The following SEPTIN9 variants were observed in gnomAD, a reference collection of about 807,000 sequenced individuals.
SEPTIN9 encodes the protein septin 9.
A neutral mutation model predicts 56.6 loss-of-function variants in SEPTIN9; 13 were observed. The observed-to-expected ratio is 0.23, with a 90% CI of 0.15 to 0.37. SEPTIN9 has a LOEUF of 0.37. SEPTIN9 is among the 10% of genes least tolerant of loss of function. The pLI, the probability that SEPTIN9 is intolerant of heterozygous loss-of-function variation, is 1.00. For missense variants in SEPTIN9, 650 were observed against 823.1 expected (o/e 0.79, Z 2.57); for synonymous variants, 332 against 334.1 (o/e 0.99, Z 0.07).
intron 6 of SEPTIN9, 144 bp downstream of exon 6, chr17:77,488,465 C>T (rs1464575342): frequency 1.2e-6 from 1 of 860,362 alleles, no homozygotes; most frequent in Non-Finnish European, 1.9e-6. Flanking sequence ...AGCCGCACGT[C>T]TCAGGGGCCT....
intron 3 of SEPTIN9, among the ~76,000 whole-genome samples, chr17:77,448,198 C>T (rs924252509): frequency 3.3e-5 from 5 of 152,094 alleles, no homozygotes; most frequent in African/African-American, 9.7e-5. Flanking sequence ...CGAGGATGGG[C>T]GTGGTGGCTC....
At chr17:77,340,507 T>A (rs1254834766) in intron 2 of SEPTIN9, among the ~76,000 whole-genome samples, 1 of 152,186 alleles carries the variant, frequency 6.6e-6, no homozygotes, top group Non-Finnish European at 1.5e-5. Flanking sequence ...GGGCCTGTTA[T>A]TCCATTTCTG....
intron 3 of SEPTIN9, among the ~76,000 whole-genome samples, chr17:77,441,620 T>C (rs1354402517): frequency 6.6e-6 from 1 of 152,238 alleles, no homozygotes; most frequent in Non-Finnish European, 1.5e-5. Context: ...TGGCTACCGC[T>C]TGTCTCCCAA....
intron 2 of SEPTIN9, among the ~76,000 whole-genome samples, chr17:77,401,732 G>A (rs1199968266): frequency 1.3e-5 from 2 of 150,494 alleles, no homozygotes; most frequent in African/African-American, 2.4e-5. Flanking sequence ...AAAAAAAAAA[G>A]AAGGAAATAA....
At chr17:77,315,598 C>G (rs1454625099) in intron 2 of SEPTIN9, among the ~76,000 whole-genome samples, 1 of 152,202 alleles carries the variant, frequency 6.6e-6, no homozygotes, top group African/African-American at 2.4e-5. Context: ...GACCACCTAA[C>G]TTCTTTCTAC....
intron 3 of SEPTIN9, among the ~76,000 whole-genome samples, chr17:77,472,203 C>T (rs1470650924): frequency 1.3e-5 from 2 of 152,150 alleles, no homozygotes; most frequent in African/African-American, 2.4e-5. Context: ...CAGAAAGCGG[C>T]GGGTGGTGTG....
At chr17:77,443,797 CAAAAAAAAA>C (rs1331103288) in intron 3 of SEPTIN9, among the ~76,000 whole-genome samples, 3 of 146,248 alleles carry the variant, frequency 2.1e-5, no homozygotes, top group African/African-American at 5.1e-5. Flanking sequence ...GACTCCGTCT[CAAAAAAAAA>C]GAAAAAAAAG....
intron 3 of SEPTIN9, among the ~76,000 whole-genome samples, chr17:77,423,412 T>G (rs1343399282): frequency 6.6e-6 from 1 of 152,210 alleles, no homozygotes; most frequent in Non-Finnish European, 1.5e-5. Context: ...AGTGAATGTT[T>G]AGGAACCGGC....
chr17:77,297,246 G>GT (rs2031860610), intron 1 of SEPTIN9, among the ~76,000 whole-genome samples: 1 of 152,204 alleles, frequency 6.6e-6, no homozygotes, highest in African/African-American at 2.4e-5. Flanking sequence ...AAGGCCAAAG[G>GT]TTTGAGAGCC....
At chr17:77,302,005 G>A (rs2032074284) in intron 1 of SEPTIN9, among the ~76,000 whole-genome samples, 1 of 152,158 alleles carries the variant, frequency 6.6e-6, no homozygotes, top group Non-Finnish European at 1.5e-5. Context: ...CATCACAGGT[G>A]GGGTCTGTAA....
chr17:77,363,379 CTTT>C (rs34313886), intron 2 of SEPTIN9, among the ~76,000 whole-genome samples: 8 of 66,612 alleles, frequency 1.2e-4, no homozygotes, highest in Admixed American at 4.5e-4. Context: ...TTGGGCCTGT[CTTT>C]TTTTTTTTTT....
In SEPTIN9 at chr17:77,400,705, G is replaced by A. The variant is rs372182144; in HGVS notation, c.77-1354G>A. 295 of 152,710 alleles carry A rather than the reference G, an allele frequency of 1.9e-3. 8 individuals are homozygous for A. The South Asian group carries it at 0.045, about 23-fold the overall frequency. 9.5% of individuals were successfully genotyped at this position (152,710 alleles called of 1,614,324 possible). ...CAGTGGTGGGATCCCATGAGACCCG[G>A]ACTCTGTGGCCTGGTGAGGCAGGGA... On this transcript the variant is annotated intron_variant, in intron 2 of 11. Coordinates refer to ENST00000427177, the MANE Select transcript of SEPTIN9 (RefSeq NM_001113491.2). This position sits in a 1 kb window ranked among gnomAD's most constrained non-coding sequence, Gnocchi z 4.1.
rs1316795342 is a variant in SEPTIN9 at position 77,402,658 on chromosome 17, A to C, written c.676A>C (p.Lys226Gln). The C allele has an allele frequency of 6.2e-7, 1 of 1,611,196 alleles. No homozygotes were observed. The highest frequency in any genetic ancestry group is 8.5e-7 in the Non-Finnish European group (1 of 1,178,562). ...TCAGCTGCAGAGCAGGCTGGAGCCC[A>C]AGCCCCAGCCCCCTGTGGCTGAGGC... ...VSQLQSRLEP[K>Q]PQPPVAEATP... Residue 226 changes from lysine (K) to glutamine (Q), a missense_variant, in exon 3 of 12, where the codon AAG (lysine) becomes CAG (glutamine). Physicochemically the swap from Lys to Gln is moderately conservative, Grantham distance 53. Coordinates refer to ENST00000427177, the MANE Select transcript of SEPTIN9 (RefSeq NM_001113491.2). The surrounding 1 kb of genome is among the most constrained non-coding windows in gnomAD (Gnocchi z 6.6).
rs1416307110 is a variant in SEPTIN9 at position 77,367,771 on chromosome 17, A to T, written c.77-34288A>T. Among the ~76,000 whole-genome samples the T allele has an allele frequency of 6.6e-6, 1 of 152,166 alleles. No homozygotes were observed. The highest frequency in any genetic ancestry group is 1.5e-5 in the Non-Finnish European group (1 of 68,030). ...GCGGAGGTTGCAGTGAGCCGAGATC[A>T]CGCCACTACACTACAGCCCGGGCGA... On this transcript the variant is annotated intron_variant, in intron 2 of 11. Transcript: ENST00000427177. This position sits in a 1 kb window ranked among gnomAD's most constrained non-coding sequence, Gnocchi z 4.5.
At position 77,438,136 on chromosome 17, in the gene SEPTIN9, G is replaced by C. The variant is rs916221562; in HGVS notation, c.721+35433G>C. ...AAGGAGCTGAAGGTTTGGAGAAGCC[G>C]TTGGGCCGAGGTCAGTTCTTATAGA... On this transcript the variant is annotated intron_variant, in intron 3 of 11. Transcript: ENST00000427177. Among the ~76,000 whole-genome samples, 37 of 152,228 alleles carry C rather than the reference G, an allele frequency of 2.4e-4. 1 individual carries two copies. Among genetic ancestry groups the C allele is most frequent in the Non-Finnish European group, 1.5e-5 (1 of 68,034 alleles).
At chr17:77,305,731 T>C (rs1184727264) in intron 1 of SEPTIN9, among the ~76,000 whole-genome samples, 1 of 151,634 alleles carries the variant, frequency 6.6e-6, no homozygotes, top group Non-Finnish European at 1.5e-5. Flanking sequence ...TCTGGTGTCC[T>C]GTAGTTATGG....
Position 77,475,758 on chromosome 17 carries a change from T to C in SEPTIN9, c.722-6386T>C, listed in dbSNP as rs756552309. On this transcript the variant is annotated intron_variant, in intron 3 of 11. Coordinates refer to ENST00000427177, the MANE Select transcript of SEPTIN9 (RefSeq NM_001113491.2). The surrounding 1 kb of genome is among the most constrained non-coding windows in gnomAD (Gnocchi z 4.6). ...GCTGTAGATGCCGGCAGCTTTCTCC[T>C]GGACACGGGCCTGGAAGGCTGACAG... The C allele has an allele frequency of 3.1e-6, 5 of 1,613,154 alleles. No homozygotes were observed. In the Admixed American group the frequency reaches 8.3e-5, roughly 27 times the overall value.
chr17:77,495,214 G>A (rs544346346), intron 10 of SEPTIN9, among the ~76,000 whole-genome samples: 5 of 152,188 alleles, frequency 3.3e-5, no homozygotes, highest in Admixed American at 6.5e-5. Flanking sequence ...TGACCTGTGC[G>A]TTGTTGAGCA....
At position 77,315,547 on chromosome 17, in the gene SEPTIN9, A is replaced by G. The variant is rs575366558; in HGVS notation, c.76+8350A>G. On this transcript the variant is annotated intron_variant, in intron 2 of 11. Transcript: ENST00000427177. ...GTGATCCACCTGCCTCGGCCTCCCA[A>G]AGTGCTGGGATTACAGGCATGAGCC... 2.0e-5 allele frequency among the ~76,000 whole-genome samples: 3 copies of G among 152,232 alleles called. No homozygotes were observed. In the East Asian group the frequency reaches 5.8e-4, roughly 30 times the overall value.
Sources: gnomAD v4.1 joint callset for allele counts (sites outside exome capture counted in the v4.1 genomes callset) on GRCh38, gnomAD v4.1.1 for gene constraint, Gnocchi (gnomAD v3.1) non-coding constraint, MANE v1.5 for transcripts, NCBI Gene and HGNC (gene_info 2026-07-23, HGNC 2026-07-21) for gene names.